Variants in TAMM41 observed in about 807,000 individuals in gnomAD.
TAMM41 encodes phosphatidate cytidylyltransferase, mitochondrial.
In TAMM41, 36 loss-of-function variants were observed where a neutral mutation model predicts 44.1. The observed-to-expected ratio is 0.82, with a 90% CI of 0.63 to 1.08. The LOEUF (loss-of-function observed/expected upper bound fraction) is 1.08. Among genes scored for constraint, TAMM41 ranks in the 50% least tolerant of loss-of-function variants. TAMM41 has a pLI of 0.00. For synonymous variants in TAMM41, 164 were observed against 153.1 expected (o/e 1.07, Z -0.53); for missense variants, 417 against 404.3 (o/e 1.03, Z -0.27).
chr3:11,730,776 T>C, the TAMM41 span, among the ~76,000 whole-genome samples: 2 of 152,070 alleles, frequency 1.3e-5, no homozygotes, highest in Non-Finnish European at 2.9e-5. Flanking sequence ...AAAAAAATTG[T>C]ATCTACCTTC....
the TAMM41 span, among the ~76,000 whole-genome samples, chr3:11,735,454 C>A: frequency 6.6e-6 from 1 of 151,710 alleles, no homozygotes. Context: ...GGCAACATGA[C>A]GAAACCCCAT....
At chr3:11,784,059 G>GGACC in the TAMM41 span, among the ~76,000 whole-genome samples, 2 of 152,202 alleles carry the variant, frequency 1.3e-5, no homozygotes, top group Non-Finnish European at 2.9e-5. Flanking sequence ...GATACAGACA[G>GGACC]GACCCATAGG....
the TAMM41 span, among the ~76,000 whole-genome samples, chr3:11,724,480 A>G: frequency 6.6e-6 from 1 of 150,854 alleles, no homozygotes; most frequent in Non-Finnish European, 1.5e-5. Context: ...CAGTGGCATA[A>G]TCTCAGCTCA....
At chr3:11,770,529 C>CTGA in the TAMM41 span, among the ~76,000 whole-genome samples, 1 of 152,220 alleles carries the variant, frequency 6.6e-6, no homozygotes, top group Non-Finnish European at 1.5e-5. Context: ...GCTCTGCTTG[C>CTGA]TGATGAAAGC....
intron 7 of TAMM41, chr3:11,807,070 A>T (rs1398686451): frequency 1.4e-5 from 10 of 700,434 alleles, no homozygotes; most frequent in Non-Finnish European, 1.8e-5. Context: ...TTCTCAGGAA[A>T]TTACTGGAAA....
At chr3:11,751,338 C>T in the TAMM41 span, among the ~76,000 whole-genome samples, 2 of 152,016 alleles carry the variant, frequency 1.3e-5, no homozygotes, top group Admixed American at 6.6e-5. Flanking sequence ...GTGATCTGCC[C>T]GCCTCGGCCC....
the TAMM41 span, among the ~76,000 whole-genome samples, chr3:11,767,624 G>A: frequency 5.6e-4 from 17 of 30,378 alleles, no homozygotes; most frequent in Admixed American, 1.1e-3. Flanking sequence ...AACACGTTGT[G>A]CATTTTTTTT....
At chr3:11,759,843 A>G in the TAMM41 span, among the ~76,000 whole-genome samples, 52,335 of 151,736 alleles carry the variant, frequency 0.34, 9,160 homozygotes, top group South Asian at 0.43. Context: ...GCGTGGTGGC[A>G]CGCGCCTGTA....
the TAMM41 span, among the ~76,000 whole-genome samples, chr3:11,733,157 C>A: frequency 6.6e-6 from 1 of 151,750 alleles, no homozygotes; most frequent in Admixed American, 6.6e-5. Context: ...TGCCACCATG[C>A]CCGGCTAATT....
chr3:11,736,949 C>T, the TAMM41 span, among the ~76,000 whole-genome samples: 5 of 152,090 alleles, frequency 3.3e-5, no homozygotes, highest in Admixed American at 6.6e-5. Flanking sequence ...GGGGATGATT[C>T]GAAGGCTTGG....
chr3:11,813,076 T>C (rs1372121211), intron 5 of TAMM41, among the ~76,000 whole-genome samples: 1 of 152,202 alleles, frequency 6.6e-6, no homozygotes, highest in Non-Finnish European at 1.5e-5. Flanking sequence ...CTGGATACCT[T>C]TATTTTTATA....
At chr3:11,844,303 T>C (rs2125071542) in intron 1 of TAMM41, 92 bp from the exon 2 acceptor site, 2 of 1,226,816 alleles carry the variant, frequency 1.6e-6, no homozygotes, top group South Asian at 1.5e-5. Flanking sequence ...TACGCAATTA[T>C]GATCAATAGT....
chr3:11,774,954 C>T, the TAMM41 span, among the ~76,000 whole-genome samples: 8 of 151,480 alleles, frequency 5.3e-5, no homozygotes, highest in South Asian at 2.1e-4. Context: ...CCGCAATCTC[C>T]GCCCCCCAGG....
chr3:11,802,099 T>C (rs990250248), intron 7 of TAMM41, among the ~76,000 whole-genome samples: 1 of 152,090 alleles, frequency 6.6e-6, no homozygotes, highest in African/African-American at 2.4e-5. Flanking sequence ...TGCACTGTAG[T>C]CCCACCTACT....
chr3:11,755,679 G>A, the TAMM41 span, among the ~76,000 whole-genome samples: 2 of 152,164 alleles, frequency 1.3e-5, no homozygotes, highest in Non-Finnish European at 2.9e-5. Context: ...CACTAAGGCT[G>A]CCTGGCAATG....
chr3:11,727,912 G>A, the TAMM41 span, among the ~76,000 whole-genome samples: 1 of 151,028 alleles, frequency 6.6e-6, no homozygotes, highest in Non-Finnish European at 1.5e-5. Context: ...TCAGCCTCCT[G>A]AGTAGCTGGG....
intron 7 of TAMM41, among the ~76,000 whole-genome samples, chr3:11,803,661 T>C (rs1048039223): frequency 1.3e-5 from 2 of 152,184 alleles, no homozygotes; most frequent in Admixed American, 1.3e-4. Context: ...AGCAATGATA[T>C]GGAATTAACC....
At chr3:11,733,497 A>AT in the TAMM41 span, among the ~76,000 whole-genome samples, 1,873 of 140,730 alleles carry the variant, frequency 0.013, 40 homozygotes, top group African/African-American at 0.036. Context: ...GTGTCCTGAG[A>AT]TTTTTTTTTT....
At chr3:11,736,064 C>T in the TAMM41 span, among the ~76,000 whole-genome samples, 2 of 152,192 alleles carry the variant, frequency 1.3e-5, no homozygotes, top group East Asian at 3.9e-4. Flanking sequence ...AACCTATTTC[C>T]TCGTGCAGAA....
Sources: allele counts gnomAD v4.1 joint callset (sites outside exome capture counted in the v4.1 genomes callset), GRCh38; gene constraint gnomAD v4.1.1; transcripts MANE v1.5; gene names NCBI Gene and HGNC (gene_info 2026-07-23, HGNC 2026-07-21).